ABCA3: variants seen among roughly 807,000 people sequenced by gnomAD.
The protein encoded by ABCA3 is phospholipid-transporting ATPase ABCA3.
ABCA3 carries 88 observed loss-of-function variants against 172.8 expected under a neutral mutation model. The ratio of observed to expected loss-of-function variants is 0.51; its 90% CI spans 0.43 to 0.61. The LOEUF (loss-of-function observed/expected upper bound fraction) is 0.61. ABCA3 is among the 20% of genes least tolerant of loss of function. The probability of loss-of-function intolerance (pLI) is 0.00; values close to 1 mark genes in which losing one functional copy is unlikely to be tolerated. For synonymous variants in ABCA3, 1,066 were observed against 983.8 expected (o/e 1.08, Z -1.56); for missense variants, 2,164 against 2,301.0 (o/e 0.94, Z 1.22).
At position 2,326,294 on chromosome 16, in the gene ABCA3, G is replaced by T. The variant is rs777539990; in HGVS notation, c.55-20C>A. On this transcript the variant is annotated intron_variant, in intron 4 of 32. Transcript: ENST00000301732. ...CCGCTTCTGGAAGAGATACAATAGG[G>T]CACGGTGATGGGCTGCAAGGCAGAA... 1.2e-6 allele frequency: 2 copies of T among 1,611,944 alleles called. No individual in the cohort carries two copies. The highest frequency in any genetic ancestry group is 2.2e-5 in the East Asian group (1 of 44,884).
intron 9 of ABCA3, 114 bp downstream of exon 9, chr16:2,317,534 T>A (rs2093718125): frequency 1.9e-6 from 3 of 1,578,914 alleles, no homozygotes; most frequent in Admixed American, 1.7e-5. Context: ...CTCTCCCCCA[T>A]GAGGGACAGA....
In ABCA3 at chr16:2,276,346, G is replaced by T; in HGVS notation, c.*328C>A. 2.0e-6 allele frequency: 1 copy of T among 502,130 alleles called. No homozygotes were observed. The highest frequency in any genetic ancestry group is 1.5e-5 in the South Asian group (1 of 64,928). 31.1% of individuals were successfully genotyped at this position (502,130 alleles called of 1,614,324 possible). A position where few individuals can be genotyped will look rare whatever the true frequency, so the allele number is the denominator to read the frequency against. On this transcript the variant is annotated 3_prime_UTR_variant, in exon 33 of 33. Transcript: ENST00000301732. ...GTCCTCTCTCCAGGGAGTGCCTGGA[G>T]AAATTCAACCCCCAGCTCAGCTGCA... is the stretch of plus-strand genomic sequence containing the variant.
intron 20 of ABCA3, among the ~76,000 whole-genome samples, chr16:2,288,710 A>G (rs952878838): frequency 4.6e-5 from 7 of 151,664 alleles, no homozygotes; most frequent in Non-Finnish European, 8.8e-5. Flanking sequence ...ACACCCAACT[A>G]ATTTTTGTAT....
Position 2,278,579 on chromosome 16 carries a change from G to C in ABCA3, c.4548-121C>G. ...ACCCAGCAATTGCAGAACAGCCCTA[G>C]TGAAGAGGAAGGAGCTGTGTGTGCA... On this transcript the variant is annotated intron_variant, in intron 29 of 32. Coordinates refer to ENST00000301732, the MANE Select transcript of ABCA3 (RefSeq NM_001089.3). This position sits in a 1 kb window ranked among gnomAD's most constrained non-coding sequence, Gnocchi z 4.4. 7.6e-7 allele frequency: 1 copy of C among 1,313,566 alleles called. No individual in the cohort carries two copies. Among genetic ancestry groups the C allele is most frequent in the Non-Finnish European group, 1.1e-6 (1 of 942,838 alleles). The allele number at this position is 1,313,566 out of a possible 1,614,324, so 81.4% of individuals were successfully genotyped here.
chr16:2,288,579 A>G (rs900651566), intron 20 of ABCA3, among the ~76,000 whole-genome samples: 2 of 152,024 alleles, frequency 1.3e-5, no homozygotes, highest in African/African-American at 4.8e-5. Context: ...TTTTTTTGAG[A>G]CAGGGTCACT....
Position 2,283,123 on chromosome 16 carries a change from C to T in ABCA3, c.4035+63G>A. 6.5e-7 allele frequency: 1 copy of T among 1,544,648 alleles called. No homozygotes were observed. The highest frequency in any genetic ancestry group is 8.8e-7 in the Non-Finnish European group (1 of 1,133,116). On this transcript the variant is annotated intron_variant, in intron 26 of 32. Transcript: ENST00000301732. This position sits in a 1 kb window ranked among gnomAD's most constrained non-coding sequence, Gnocchi z 5.4. ...GGAGGTGGAGCTGCCCCAGGTTGTGCTGGGCCCAAGCAGAGACGTGGGGAG... is the reference window on the plus strand; with the variant it reads ...GGAGGTGGAGCTGCCCCAGGTTGTGTTGGGCCCAAGCAGAGACGTGGGGAG...
At chr16:2,337,208 T>A (rs1163809620) in intron 1 of ABCA3, among the ~76,000 whole-genome samples, 1 of 151,850 alleles carries the variant, frequency 6.6e-6, no homozygotes, top group Admixed American at 6.6e-5. Context: ...AGCCACCATG[T>A]CTGTCTGGCC....
At chr16:2,305,469 G>C (rs1377547694) in intron 11 of ABCA3, among the ~76,000 whole-genome samples, 2 of 152,054 alleles carry the variant, frequency 1.3e-5, no homozygotes, top group African/African-American at 2.4e-5. Flanking sequence ...GCTGATTTTT[G>C]TATTTTTAGT....
rs1006347716 is a variant in ABCA3, at chr16:2,327,729, G to GT, written c.-27+723dup. 7.9e-4 allele frequency among the ~76,000 whole-genome samples: 120 copies of GT among 151,728 alleles called. 1 individual carries two copies. The highest frequency in any genetic ancestry group is 1.1e-3 in the African/African-American group (45 of 41,348). ...TAGCCATTTTCTTTTTCTTTTTTCT[G>GT]TTTTTTTTGGAAACAGAGTCTTGCT... On this transcript the variant is annotated intron_variant, in intron 3 of 32. Coordinates refer to ENST00000301732, the MANE Select transcript of ABCA3 (RefSeq NM_001089.3).
chr16:2,336,587 C>A (rs549346213), intron 1 of ABCA3, among the ~76,000 whole-genome samples: 1 of 148,784 alleles, frequency 6.7e-6, no homozygotes, highest in South Asian at 2.1e-4. Flanking sequence ...CCCGCCACCA[C>A]GCCCAGCTAA....
intron 1 of ABCA3, chr16:2,332,711 G>A: frequency 6.9e-7 from 1 of 1,448,546 alleles, no homozygotes. Context: ...GTCTTCTTGT[G>A]TCCAAAGACC....
Position 2,312,673 on chromosome 16 carries a change from T to G in ABCA3, c.1112-4050A>C, listed in dbSNP as rs566196988. On this transcript the variant is annotated intron_variant, in intron 10 of 32. Coordinates refer to ENST00000301732, the MANE Select transcript of ABCA3 (RefSeq NM_001089.3). ...CCTCCCGAGTAGCTGGGATTACAAG[T>G]GCCCACGACCACGCCCAGCAAATTT... Among the ~76,000 whole-genome samples, 166 of 151,916 alleles carry G rather than the reference T, an allele frequency of 1.1e-3. 1 individual carries two copies. Among genetic ancestry groups the G allele is most frequent in the South Asian group, 3.1e-3 (15 of 4,800 alleles).
chr16:2,277,998 C>A lies in ABCA3; in HGVS notation c.4790G>T (p.Ser1597Ile), dbSNP rs761582827. 1.2e-6 allele frequency: 2 copies of A among 1,613,134 alleles called. No individual in the cohort carries two copies. The highest frequency in any genetic ancestry group is 1.7e-6 in the Non-Finnish European group (2 of 1,180,004). ...GAACTTGCTCTTGAGGTGCTGGGGG[C>A]TGCCCAGGCACTTGAACTGCCCCTG... ...MVQGQFKCLG[S>I]PQHLKSKFGS... Residue 1597 changes from serine (S) to isoleucine (I), a missense_variant, in exon 31 of 33, where the codon AGC becomes ATC. Physicochemically the swap from Ser to Ile is moderately radical, Grantham distance 142. Around this residue, in one of 3 missense-constraint regions of ABCA3, gnomAD observed 795 missense variants for 881.9 expected, o/e 0.90. Transcript: ENST00000301732. The surrounding 1 kb of genome is among the most constrained non-coding windows in gnomAD (Gnocchi z 5.3).
intron 12 of ABCA3, among the ~76,000 whole-genome samples, chr16:2,302,041 G>A (rs2093690284): frequency 6.6e-6 from 1 of 152,252 alleles, no homozygotes. Context: ...TCTTAAGGGC[G>A]TGTTCCTGCT....
chr16:2,281,588 G>GGGGGGGGGGC lies in ABCA3; in HGVS notation c.4036-80_4036-79insGCCCCCCCCC. The GGGGGGGGGGC allele has an allele frequency of 1.9e-6, 1 of 517,014 alleles. No individual in the cohort carries two copies. Among genetic ancestry groups the GGGGGGGGGGC allele is most frequent in the Non-Finnish European group, 3.8e-6 (1 of 260,092 alleles). 32.0% of individuals were successfully genotyped at this position (517,014 alleles called of 1,614,324 possible). ...CGTGGAGAAGGGAGGGGCGGGGGTG[G>GGGGGGGGGGC]ATGTGGGAGGTCTGGTGGGACTAAG... On this transcript the variant is annotated intron_variant, in intron 26 of 32. Coordinates refer to ENST00000301732, the MANE Select transcript of ABCA3 (RefSeq NM_001089.3). This position sits in a 1 kb window ranked among gnomAD's most constrained non-coding sequence, Gnocchi z 4.7.
At chr16:2,291,139 C>T (rs976143503) in intron 19 of ABCA3, among the ~76,000 whole-genome samples, 1 of 152,244 alleles carries the variant, frequency 6.6e-6, no homozygotes, top group African/African-American at 2.4e-5. Context: ...AGTTCCAGAC[C>T]AGCATGGCAA....
intron 10 of ABCA3, among the ~76,000 whole-genome samples, chr16:2,310,451 C>A (rs913570070): frequency 4.0e-5 from 6 of 151,208 alleles, no homozygotes; most frequent in South Asian, 2.1e-4. Context: ...AACAAAACAC[C>A]CACACACACA....
rs765505615 is a variant in ABCA3, at chr16:2,281,082, A to G, written c.4304T>C (p.Leu1435Pro). ...CCCGACAAAGGCATCCCCAGAAGTG[A>G]GGCTCTCCTCCCCGGTCAGCATTTT... ...TFKMLTGEES[L>P]TSGDAFVGGH... The change falls in exon 28 of 33, where the codon CTC becomes CCC. Residue 1435 changes from leucine to proline, a missense_variant. Physicochemically the swap from Leu to Pro is moderately conservative, Grantham distance 98. Coordinates refer to ENST00000301732, the MANE Select transcript of ABCA3 (RefSeq NM_001089.3). This position sits in a 1 kb window ranked among gnomAD's most constrained non-coding sequence, Gnocchi z 4.7. 1 of 1,613,838 alleles carries G rather than the reference A, an allele frequency of 6.2e-7. No individual in the cohort carries two copies. The highest frequency in any genetic ancestry group is 1.7e-5 in the Admixed American group (1 of 60,012).
intron 19 of ABCA3, among the ~76,000 whole-genome samples, chr16:2,290,957 C>A (rs1567340820): frequency 6.6e-6 from 1 of 152,168 alleles, no homozygotes; most frequent in East Asian, 1.9e-4. Context: ...GCAACCTCCA[C>A]TTCCCAGGTT....
Sources: gnomAD v4.1 joint callset for allele counts (sites outside exome capture counted in the v4.1 genomes callset) on GRCh38, gnomAD v4.1.1 for gene constraint, gnomAD v4.1.1 regional missense constraint, Gnocchi (gnomAD v3.1) non-coding constraint, MANE v1.5 for transcripts, NCBI Gene and HGNC (gene_info 2026-07-23, HGNC 2026-07-21) for gene names.